CFAP47: variants seen among roughly 807,000 people sequenced by gnomAD.
CFAP47 encodes cilia and flagella associated protein 47, also known as cilia- and flagella-associated protein 47.
CFAP47 carries 29 observed loss-of-function variants against 148.1 expected under a neutral mutation model. That is an observed-to-expected ratio of 0.20 (90% confidence interval 0.15 to 0.27). The LOEUF (loss-of-function observed/expected upper bound fraction) is 0.27, where lower values mean the gene tolerates loss of function less well. Among genes scored for constraint, CFAP47 ranks in the 10% least tolerant of loss-of-function variants. The pLI is 1.00. For missense variants in CFAP47, 1,872 were observed against 1,697.5 expected, an observed-to-expected ratio of 1.10 and a Z score of -1.81; for synonymous variants, 664 against 577.3, an observed-to-expected ratio of 1.15 and a Z score of -2.15.
At chrX:36,347,238 C>A (rs1410865014) in intron 57 of CFAP47, among the ~76,000 whole-genome samples, 1 of 111,842 alleles carries the variant, frequency 8.9e-6, no homozygotes, top group Non-Finnish European at 1.9e-5. Flanking sequence ...AATGAGATAC[C>A]ATCTCACACC....
At chrX:36,092,819 CTG>C (rs1938209588) in intron 30 of CFAP47, among the ~76,000 whole-genome samples, 1 of 110,015 alleles carries the variant, frequency 9.1e-6, no homozygotes. Flanking sequence ...TAGAGTCACT[CTG>C]TTGTGTTATC....
Position 36,366,120 on chromosome X carries a change from TAA to T in CFAP47, c.9024-845_9024-844del, listed in dbSNP as rs1226098926. ...TCCAGTTGCTCACAAAATGGTTGAG[TAA>T]TTTTATAGTCCCACCTAAGAAGAGT... On this transcript the variant is annotated intron_variant, in intron 61 of 63. Coordinates refer to ENST00000378653, the MANE Select transcript of CFAP47 (RefSeq NM_001304548.2). 3.6e-5 allele frequency among the ~76,000 whole-genome samples: 4 copies of T among 111,882 alleles called. No homozygotes were observed. The Admixed American group carries it at 3.8e-4, about 11-fold the overall frequency.
chrX:36,313,174 T>C (rs1320580987), intron 56 of CFAP47, among the ~76,000 whole-genome samples: 8 of 111,301 alleles, frequency 7.2e-5, no homozygotes, highest in African/African-American at 2.3e-4. Flanking sequence ...TAGAGATTAA[T>C]ACTATATTAG....
chrX:36,189,737 A>G (rs1197688323), intron 41 of CFAP47, among the ~76,000 whole-genome samples: 1 of 112,339 alleles, frequency 8.9e-6, no homozygotes, highest in African/African-American at 3.2e-5. Flanking sequence ...CCTGTGAAAC[A>G]TTGCATAGTC....
chrX:36,359,540 T>A (rs1941810851), intron 60 of CFAP47, among the ~76,000 whole-genome samples: 1 of 111,901 alleles, frequency 8.9e-6, no homozygotes, highest in South Asian at 3.7e-4. Context: ...TAAAAGTTAT[T>A]TGTGCACCAC....
rs531310332 is a variant in CFAP47 at position 35,972,875 on chromosome X, G to A, written c.2254+910G>A. ...TTTCTAGGAGTGGAATTGCTGGGTT[G>A]TACAATAAATTTATATCTAACTTAA... is the stretch of plus-strand genomic sequence containing the variant. On this transcript the variant is annotated intron_variant, in intron 13 of 63. Coordinates refer to ENST00000378653, the MANE Select transcript of CFAP47 (RefSeq NM_001304548.2). 4.5e-5 allele frequency among the ~76,000 whole-genome samples: 5 copies of A among 110,919 alleles called. No individual in the cohort carries two copies. The South Asian group carries it at 1.9e-3, about 42-fold the overall frequency.
At chrX:36,132,372 A>G (rs1251083474) in intron 33 of CFAP47, among the ~76,000 whole-genome samples, 1 of 111,866 alleles carries the variant, frequency 8.9e-6, no homozygotes, top group Admixed American at 9.5e-5. Context: ...CCATTGACCA[A>G]CACGTCTCAG....
intron 61 of CFAP47, among the ~76,000 whole-genome samples, chrX:36,362,926 T>C (rs1556019537): frequency 8.9e-6 from 1 of 111,998 alleles, no homozygotes; most frequent in Admixed American, 9.5e-5. Context: ...GTTAATTTTT[T>C]TCACATTTTG....
intron 33 of CFAP47, among the ~76,000 whole-genome samples, chrX:36,124,172 G>A (rs147243344): frequency 1.1e-3 from 122 of 111,386 alleles, no homozygotes; most frequent in African/African-American, 3.8e-3. Context: ...TGCAAGACAG[G>A]GTTCTCCCAA....
In CFAP47 at chrX:35,989,419, A is replaced by G. The variant is rs1365074188; in HGVS notation, c.2814A>G (p.Gly938=). Residue 938 remains glycine, a synonymous_variant, in exon 16 of 64, where the codon GGA becomes GGG. Coordinates refer to ENST00000378653, the MANE Select transcript of CFAP47 (RefSeq NM_001304548.2). The part of the protein sequence containing the change: ...EGEFILHVFQ[G]NALKLKCVAH... ...AATTTATTCTTCATGTCTTTCAAGG[A>G]AACGCGTTGAAGCTAAAATGTGTTG... 4 of 1,210,221 alleles carry G rather than the reference A, an allele frequency of 3.3e-6. No individual in the cohort carries two copies. The Admixed American group carries it at 6.5e-5, about 20-fold the overall frequency.
At chrX:35,935,103 C>G (rs1040392506) in intron 2 of CFAP47, among the ~76,000 whole-genome samples, 1 of 111,511 alleles carries the variant, frequency 9.0e-6, no homozygotes, top group Non-Finnish European at 1.9e-5. Flanking sequence ...CTCCCCATGT[C>G]CACTGACTTT....
At chrX:36,177,459 A>T (rs1162822653) in intron 39 of CFAP47, among the ~76,000 whole-genome samples, 3 of 111,865 alleles carry the variant, frequency 2.7e-5, no homozygotes, top group African/African-American at 9.7e-5. Context: ...ATTTTATGAA[A>T]TTTAGATGAG....
intron 25 of CFAP47, among the ~76,000 whole-genome samples, chrX:36,041,927 A>G (rs1372313652): frequency 1.0e-5 from 1 of 98,158 alleles, no homozygotes; most frequent in Non-Finnish European, 2.0e-5. Context: ...CTCCATCTCA[A>G]AAAAAAAAAA....
intron 1 of CFAP47, among the ~76,000 whole-genome samples, chrX:35,924,040 TGTGTATATGTACATGTATGC>T: frequency 1.0e-5 from 1 of 97,403 alleles, no homozygotes; most frequent in Admixed American, 1.1e-4. Flanking sequence ...TGCACATATA[TGTGTATATGTACATGTATGC>T]GCACATATAT....
chrX:36,191,706 G>A (rs782132469), intron 42 of CFAP47, among the ~76,000 whole-genome samples: 7 of 111,199 alleles, frequency 6.3e-5, no homozygotes, highest in African/African-American at 2.0e-4. Context: ...CCTGTTGGCC[G>A]GGCGCAGTGA....
intron 39 of CFAP47, among the ~76,000 whole-genome samples, chrX:36,171,561 T>C (rs1426973183): frequency 1.8e-5 from 2 of 109,629 alleles, no homozygotes; most frequent in Non-Finnish European, 3.8e-5. Context: ...AGGAATCCTT[T>C]CCCCATTGCT....
At chrX:35,954,452 C>T (rs1936214632) in intron 7 of CFAP47, among the ~76,000 whole-genome samples, 1 of 111,011 alleles carries the variant, frequency 9.0e-6, no homozygotes, top group African/African-American at 3.3e-5. Context: ...TAACTGTATT[C>T]CTTGGGCATA....
chrX:36,290,180 C>A (rs968025935), intron 51 of CFAP47, among the ~76,000 whole-genome samples: 2 of 111,499 alleles, frequency 1.8e-5, no homozygotes, highest in African/African-American at 3.3e-5. Context: ...TTCACACATA[C>A]AACTTTTCCA....
At chrX:36,002,468 G>A (rs1284710636) in intron 21 of CFAP47, among the ~76,000 whole-genome samples, 10 of 111,057 alleles carry the variant, frequency 9.0e-5, no homozygotes, top group Non-Finnish European at 1.5e-4. Flanking sequence ...TGTAATCCCA[G>A]CTACTCAGGA....
Sources: gnomAD v4.1 joint callset for allele counts (sites outside exome capture counted in the v4.1 genomes callset) on GRCh38, gnomAD v4.1.1 for gene constraint, MANE v1.5 for transcripts, NCBI Gene and HGNC (gene_info 2026-07-23, HGNC 2026-07-21) for gene names.